GTF2F2: variants seen among roughly 807,000 people sequenced by gnomAD.
GTF2F2 encodes the protein ATP-dependent helicase GTF2F2.
GTF2F2 carries 23 observed loss-of-function variants against 42.2 expected under a neutral mutation model. The ratio of observed to expected loss-of-function variants is 0.55; its 90% CI spans 0.39 to 0.77. GTF2F2 has a LOEUF of 0.77. Ranked by LOEUF, GTF2F2 falls within the 30% of genes least tolerant of loss-of-function variation. The pLI, the probability that GTF2F2 is intolerant of heterozygous loss-of-function variation, is 0.00. For synonymous variants in GTF2F2, 105 were observed against 100.8 expected (o/e 1.04, Z -0.25); for missense variants, 261 against 287.2 (o/e 0.91, Z 0.66).
chr13:45,187,380 A>G (rs938157205), intron 4 of GTF2F2, among the ~76,000 whole-genome samples: 1 of 152,204 alleles, frequency 6.6e-6, no homozygotes, highest in Non-Finnish European at 1.5e-5. Context: ...ACAATGCTTA[A>G]TGTACATTTC....
chr13:45,271,675 C>G lies in GTF2F2; in HGVS notation c.630+4299C>G, dbSNP rs189654530. ...CAAGAAATTCTCCTGCCTCAGCCCC[C>G]CGAGTAGCTAGGACTACAGGCAGGC... On this transcript the variant is annotated intron_variant, in intron 7 of 7. Coordinates refer to ENST00000340473, the MANE Select transcript of GTF2F2 (RefSeq NM_004128.3). 2.1e-3 allele frequency among the ~76,000 whole-genome samples: 322 copies of G among 152,242 alleles called. 4 individuals carry two copies. The highest frequency in any genetic ancestry group is 7.3e-3 in the African/African-American group (304 of 41,542).
At chr13:45,135,516 C>G (rs978740488) in intron 1 of GTF2F2, among the ~76,000 whole-genome samples, 2 of 152,198 alleles carry the variant, frequency 1.3e-5, no homozygotes, top group Non-Finnish European at 2.9e-5. Flanking sequence ...CCTCGGCCTT[C>G]CAAAGTGCTG....
chr13:45,209,039 G>A (rs1448201762), intron 5 of GTF2F2, among the ~76,000 whole-genome samples: 1 of 152,046 alleles, frequency 6.6e-6, no homozygotes, highest in Non-Finnish European at 1.5e-5. Flanking sequence ...TTCTTTAAAG[G>A]GTTCTAAAGA....
chr13:45,184,417 C>T (rs1164545717), intron 4 of GTF2F2, among the ~76,000 whole-genome samples: 1 of 144,152 alleles, frequency 6.9e-6, no homozygotes, highest in Admixed American at 6.8e-5. Context: ...GAGACAGGGT[C>T]TTGCTCTGTC....
At chr13:45,202,538 C>T (rs184619965) in intron 4 of GTF2F2, among the ~76,000 whole-genome samples, 1 of 152,262 alleles carries the variant, frequency 6.6e-6, no homozygotes, top group Non-Finnish European at 1.5e-5. Context: ...CAGAAGAATC[C>T]TACAGCACAT....
intron 5 of GTF2F2, among the ~76,000 whole-genome samples, chr13:45,210,040 C>A (rs1873569224): frequency 6.6e-6 from 1 of 152,188 alleles, no homozygotes; most frequent in South Asian, 2.1e-4. Context: ...AGAGTTCCTG[C>A]TTCCACCCTT....
chr13:45,256,012 G>A (rs1876089493), intron 6 of GTF2F2, among the ~76,000 whole-genome samples: 1 of 152,094 alleles, frequency 6.6e-6, no homozygotes, highest in Admixed American at 6.5e-5. Context: ...ATACAATAAT[G>A]CTTCTCTCTA....
chr13:45,154,045 A>G (rs2138123318), intron 4 of GTF2F2, among the ~76,000 whole-genome samples: 1 of 148,492 alleles, frequency 6.7e-6, no homozygotes. Flanking sequence ...CTTTTGATTG[A>G]TGAGATTTAA....
chr13:45,187,798 A>T (rs1385057907), intron 4 of GTF2F2, among the ~76,000 whole-genome samples: 1 of 152,234 alleles, frequency 6.6e-6, no homozygotes, highest in Non-Finnish European at 1.5e-5. Flanking sequence ...ATTATGATTC[A>T]GATGCTGTAA....
chr13:45,226,644 C>CT (rs34166096), intron 5 of GTF2F2, among the ~76,000 whole-genome samples: 3 of 151,924 alleles, frequency 2.0e-5, no homozygotes, highest in East Asian at 1.9e-4. Flanking sequence ...TTTTAGAACA[C>CT]TTTTTTTTCC....
chr13:45,145,095 T>G (rs780072824), intron 2 of GTF2F2, among the ~76,000 whole-genome samples: 1 of 149,404 alleles, frequency 6.7e-6, no homozygotes, highest in Non-Finnish European at 1.5e-5. Context: ...GGGACTGGGA[T>G]AATGAGAAAG....
chr13:45,200,227 A>T (rs961746798), intron 4 of GTF2F2, among the ~76,000 whole-genome samples: 8 of 152,118 alleles, frequency 5.3e-5, no homozygotes, highest in African/African-American at 1.9e-4. Context: ...GGGAGGAGGG[A>T]AAGAATTTTG....
At chr13:45,175,513 A>T (rs998298748) in intron 4 of GTF2F2, among the ~76,000 whole-genome samples, 1 of 152,078 alleles carries the variant, frequency 6.6e-6, no homozygotes, top group Non-Finnish European at 1.5e-5. Context: ...TTTTTTATAT[A>T]TGTTTTATGT....
intron 7 of GTF2F2, among the ~76,000 whole-genome samples, chr13:45,273,224 C>T (rs920523474): frequency 2.7e-4 from 40 of 150,170 alleles, no homozygotes; most frequent in African/African-American, 9.8e-4. Flanking sequence ...CCGTGCCCAG[C>T]CCACACCTGG....
chr13:45,157,397 G>A (rs1223866879), intron 4 of GTF2F2, among the ~76,000 whole-genome samples: 1 of 152,194 alleles, frequency 6.6e-6, no homozygotes, highest in African/African-American at 2.4e-5. Flanking sequence ...TCACTGGAGA[G>A]ATTTAAGCAG....
intron 5 of GTF2F2, among the ~76,000 whole-genome samples, chr13:45,211,130 G>C (rs1393870007): frequency 1.3e-5 from 2 of 152,134 alleles, no homozygotes; most frequent in Non-Finnish European, 2.9e-5. Context: ...GCTGTCCTGT[G>C]CATTGCAAGG....
rs1451436017 is a variant in GTF2F2 at position 45,283,988 on chromosome 13, AC to A, written c.*430del. On this transcript the variant is annotated 3_prime_UTR_variant, in exon 8 of 8. Transcript: ENST00000340473. ...ACAGAAACTCTTAAAAGGAATAAAAACCCAAAGTTCCTTATTTTGAAATTGT... is the reference window on the plus strand; with the variant it reads ...ACAGAAACTCTTAAAAGGAATAAAAACCAAAGTTCCTTATTTTGAAATTGT... The A allele has an allele frequency of 6.6e-6, 1 of 152,196 alleles. No individual in the cohort carries two copies. The highest frequency in any genetic ancestry group is 1.5e-5 in the Non-Finnish European group (1 of 68,036). The allele number at this position is 152,196 out of a possible 1,614,324, so 9.4% of individuals were successfully genotyped here. A position where few individuals can be genotyped will look rare whatever the true frequency, so the allele number is the denominator to read the frequency against.
At position 45,182,496 on chromosome 13, in the gene GTF2F2, G is replaced by T. The variant is rs754828518; in HGVS notation, c.305-24928G>T. Among the ~76,000 whole-genome samples the T allele has an allele frequency of 4.5e-4, 69 of 152,086 alleles. 1 individual carries two copies. The highest frequency in any genetic ancestry group is 4.1e-4 in the South Asian group (2 of 4,834). ...GTGTTTTTTAAAATTGCTTGGTACT[G>T]TGGGGAAACAGAATTATGCCTTTCT... On this transcript the variant is annotated intron_variant, in intron 4 of 7. Transcript: ENST00000340473.
chr13:45,196,286 A>AT (rs1299564116), intron 4 of GTF2F2, among the ~76,000 whole-genome samples: 1 of 152,162 alleles, frequency 6.6e-6, no homozygotes, highest in Non-Finnish European at 1.5e-5. Flanking sequence ...ATTCCAGAGA[A>AT]TTTTTAGTAT....
Sources: allele counts gnomAD v4.1 joint callset (sites outside exome capture counted in the v4.1 genomes callset), GRCh38; gene constraint gnomAD v4.1.1; transcripts MANE v1.5; gene names NCBI Gene and HGNC (gene_info 2026-07-23, HGNC 2026-07-21).